The following ETFA variants were observed in gnomAD, a reference collection of about 807,000 sequenced individuals.
The protein encoded by ETFA is electron transfer flavoprotein subunit alpha.
In ETFA, 22 loss-of-function variants were observed where a neutral mutation model predicts 46.2. The ratio of observed to expected loss-of-function variants is 0.48; its 90% CI spans 0.34 to 0.68. ETFA has a LOEUF of 0.68. ETFA is among the 30% of genes least tolerant of loss of function. The probability of loss-of-function intolerance (pLI) is 0.01; values close to 1 mark genes in which losing one functional copy is unlikely to be tolerated. For synonymous variants in ETFA, 131 were observed against 139.9 expected, an observed-to-expected ratio of 0.94 and a Z score of 0.45; for missense variants, 345 against 401.1, an observed-to-expected ratio of 0.86 and a Z score of 1.19.
At chr15:76,297,455 T>G (rs1353911357) in intron 1 of ETFA, among the ~76,000 whole-genome samples, 4 of 151,978 alleles carry the variant, frequency 2.6e-5, no homozygotes, top group African/African-American at 9.7e-5. Context: ...TAACAAGCTA[T>G]TTATTACCAA....
intron 1 of ETFA, among the ~76,000 whole-genome samples, chr15:76,300,397 G>T (rs11636278): frequency 6.6e-6 from 1 of 151,954 alleles, no homozygotes; most frequent in African/African-American, 2.4e-5. Context: ...AGAGAATCAT[G>T]TCTGGGTTTT....
At chr15:76,274,603 G>T in intron 8 of ETFA, 109 bp from the exon 9 acceptor site, 2 of 854,662 alleles carry the variant, frequency 2.3e-6, no homozygotes, top group Non-Finnish European at 3.8e-6. Flanking sequence ...CTAAGTACTA[G>T]TATATTTTAT....
At chr15:76,291,252 G>A (rs2039758588) in intron 4 of ETFA, among the ~76,000 whole-genome samples, 1 of 151,866 alleles carries the variant, frequency 6.6e-6, no homozygotes. Flanking sequence ...AGACCAGCCT[G>A]GTCAACACGG....
intron 9 of ETFA, among the ~76,000 whole-genome samples, chr15:76,235,524 A>C (rs983589772): frequency 1.3e-5 from 2 of 152,214 alleles, no homozygotes; most frequent in African/African-American, 4.8e-5. Context: ...TAACTGTCTA[A>C]GTGTACCATA....
At chr15:76,244,890 ACT>A (rs563227785) in intron 9 of ETFA, among the ~76,000 whole-genome samples, 213 of 152,222 alleles carry the variant, frequency 1.4e-3, no homozygotes, top group African/African-American at 4.8e-3. Flanking sequence ...GGAATTCAAC[ACT>A]CTCTGAAACT....
intron 1 of ETFA, among the ~76,000 whole-genome samples, chr15:76,308,237 C>T (rs1369948668): frequency 3.3e-5 from 5 of 152,046 alleles, no homozygotes; most frequent in Admixed American, 3.3e-4. Flanking sequence ...ATTTCTCAGG[C>T]AAAAATCATC....
In ETFA at chr15:76,294,553, T is replaced by C. The variant is rs938540710; in HGVS notation, c.186+1038A>G. The stretch of plus-strand genomic sequence containing the variant: ...TCACATGCTCTGAATTATTGTTATT[T>C]TTAATATATTTTTTGAGACACAGTC... On this transcript the variant is annotated intron_variant, in intron 2 of 11. Transcript: ENST00000557943. Among the ~76,000 whole-genome samples the C allele has an allele frequency of 2.6e-5, 4 of 152,290 alleles. No homozygotes were observed. In the South Asian group the frequency reaches 8.3e-4, roughly 32 times the overall value.
At chr15:76,223,565 T>C (rs1464560469) in intron 11 of ETFA, among the ~76,000 whole-genome samples, 2 of 152,168 alleles carry the variant, frequency 1.3e-5, no homozygotes, top group Non-Finnish European at 2.9e-5. Context: ...AGTCATTGCC[T>C]TAACACAATT....
At chr15:76,261,067 A>G in intron 9 of ETFA, 10 of 1,553,512 alleles carry the variant, frequency 6.4e-6, no homozygotes, top group Non-Finnish European at 8.9e-6. Flanking sequence ...GCTATGCGAG[A>G]AGAGGCCAGG....
intron 9 of ETFA, among the ~76,000 whole-genome samples, chr15:76,243,941 C>T (rs1021980288): frequency 6.6e-6 from 1 of 151,950 alleles, no homozygotes; most frequent in Non-Finnish European, 1.5e-5. Context: ...GGCTGGAGTG[C>T]GATGGTGCGA....
At chr15:76,241,293 G>A (rs1486239964) in intron 9 of ETFA, among the ~76,000 whole-genome samples, 4 of 151,918 alleles carry the variant, frequency 2.6e-5, no homozygotes, top group Non-Finnish European at 5.9e-5. Flanking sequence ...TTGAGGCCAG[G>A]AGTTTGAGAC....
At chr15:76,292,753 A>G in intron 2 of ETFA, 53 bp from the exon 3 acceptor site, 1 of 1,177,458 alleles carries the variant, frequency 8.5e-7, no homozygotes, top group Non-Finnish European at 1.3e-6. Flanking sequence ...ATATACAAAT[A>G]AAGCCACCAC....
chr15:76,272,090 T>C (rs2039540472), intron 9 of ETFA, among the ~76,000 whole-genome samples: 1 of 152,178 alleles, frequency 6.6e-6, no homozygotes, highest in African/African-American at 2.4e-5. Context: ...ATGCCATTTA[T>C]TTTCAATATA....
chr15:76,274,552 T>C, intron 8 of ETFA, 58 bp from the exon 9 acceptor site: 1 of 1,268,558 alleles, frequency 7.9e-7, no homozygotes, highest in East Asian at 2.4e-5. Flanking sequence ...CTAGTTAGGA[T>C]ATTCACTGAT....
At chr15:76,307,216 T>C (rs2039947528) in intron 1 of ETFA, among the ~76,000 whole-genome samples, 2 of 152,230 alleles carry the variant, frequency 1.3e-5, no homozygotes, top group Non-Finnish European at 2.9e-5. Flanking sequence ...TTAGGATTAA[T>C]ATCCCTGCAA....
intron 9 of ETFA, among the ~76,000 whole-genome samples, chr15:76,231,875 T>A (rs985490562): frequency 6.6e-6 from 1 of 152,184 alleles, no homozygotes; most frequent in Non-Finnish European, 1.5e-5. Flanking sequence ...TTGGCTTAGT[T>A]GTTCGCCTTA....
Position 76,292,517 on chromosome 15 carries a change from A to T in ETFA, c.269-4T>A. ...AAAATCAATGGTGTCAGTTCCTCTG[A>T]GAATTAAACACATTTGATAAAAAAA... On this transcript the variant is annotated splice_polypyrimidine_tract_variant and splice_region_variant and intron_variant, in intron 3 of 11. Coordinates refer to ENST00000557943, the MANE Select transcript of ETFA (RefSeq NM_000126.4). 1 of 1,610,062 alleles carries T rather than the reference A, an allele frequency of 6.2e-7. No individual in the cohort carries two copies. The highest frequency in any genetic ancestry group is 8.5e-7 in the Non-Finnish European group (1 of 1,176,282).
At chr15:76,238,043 A>G (rs1035890397) in intron 9 of ETFA, among the ~76,000 whole-genome samples, 3 of 152,196 alleles carry the variant, frequency 2.0e-5, no homozygotes, top group African/African-American at 7.2e-5. Flanking sequence ...TGCAAGTACT[A>G]AGACATATCA....
rs2142100439 is a variant in ETFA at position 76,215,452 on chromosome 15, C to T, written c.*1107G>A. 1 of 152,268 alleles carries T rather than the reference C, an allele frequency of 6.6e-6. No homozygotes were observed. Among genetic ancestry groups the T allele is most frequent in the Admixed American group, 6.5e-5 (1 of 15,292 alleles). The allele number at this position is 152,268 out of a possible 1,614,324, so 9.4% of individuals were successfully genotyped here. ...GGGCCCCAGGCTGGTCACACAAAGG[C>T]ACTCTAGCCACCTCCATCACTTATC... On this transcript the variant is annotated 3_prime_UTR_variant, in exon 12 of 12. Coordinates refer to ENST00000557943, the MANE Select transcript of ETFA (RefSeq NM_000126.4).
Sources: allele counts gnomAD v4.1 joint callset (sites outside exome capture counted in the v4.1 genomes callset), GRCh38; gene constraint gnomAD v4.1.1; transcripts MANE v1.5; gene names NCBI Gene and HGNC (gene_info 2026-07-23, HGNC 2026-07-21).